Variants in KCNAB1 observed in about 807,000 individuals in gnomAD.
KCNAB1 encodes potassium voltage-gated channel subfamily A regulatory beta subunit 1, also known as voltage-gated potassium channel subunit beta-1.
KCNAB1 carries 35 observed loss-of-function variants against 64.6 expected under a neutral mutation model. The observed-to-expected ratio is 0.54, with a 90% CI of 0.41 to 0.72. The LOEUF (loss-of-function observed/expected upper bound fraction) is 0.72, where lower values mean the gene tolerates loss of function less well. KCNAB1 is among the 30% of genes least tolerant of loss of function. KCNAB1 has a pLI of 0.00. For synonymous variants in KCNAB1, 177 were observed against 183.8 expected, an observed-to-expected ratio of 0.96 and a Z score of 0.30; for missense variants, 401 against 512.9, an observed-to-expected ratio of 0.78 and a Z score of 2.11.
chr3:156,389,807 T>G (rs1427098721), intron 1 of KCNAB1, among the ~76,000 whole-genome samples: 1 of 152,244 alleles, frequency 6.6e-6, no homozygotes, highest in East Asian at 1.9e-4. Flanking sequence ...TACTAGTGGT[T>G]GGCAAACTAT....
chr3:156,463,854 G>A (rs1197909192), intron 6 of KCNAB1, 108 bp downstream of exon 6: 9 of 792,664 alleles, frequency 1.1e-5, no homozygotes, highest in Non-Finnish European at 1.8e-5. Context: ...CTTAGAGAGA[G>A]GGTTTTTTGT....
At chr3:156,231,497 T>TC (rs1254371389) in intron 1 of KCNAB1, among the ~76,000 whole-genome samples, 1 of 12,118 alleles carries the variant, frequency 8.3e-5, no homozygotes, top group Non-Finnish European at 1.8e-4. Context: ...TCCCCTCCCC[T>TC]CCCTCCCTCC....
chr3:156,218,801 A>AAAAAAAAAAAAATAAT (rs371264941), intron 1 of KCNAB1, among the ~76,000 whole-genome samples: 2 of 112,242 alleles, frequency 1.8e-5, no homozygotes, highest in African/African-American at 3.5e-5. Context: ...AAAAAAAAAA[A>AAAAAAAAAAAAATAAT]AATAATAATA....
At chr3:156,490,839 G>A (rs1388995910) in intron 8 of KCNAB1, among the ~76,000 whole-genome samples, 1 of 152,034 alleles carries the variant, frequency 6.6e-6, no homozygotes, top group African/African-American at 2.4e-5. Flanking sequence ...CAGATGGAAA[G>A]TGCCCACTCA....
chr3:156,171,187 G>GCACGCA (rs1553812698), intron 1 of KCNAB1, among the ~76,000 whole-genome samples: 399 of 142,808 alleles, frequency 2.8e-3, no homozygotes, highest in Non-Finnish European at 4.6e-3. Flanking sequence ...GAAACTTCAC[G>GCACGCA]CACACATACA....
chr3:156,240,023 A>G (rs1478618379), intron 1 of KCNAB1, among the ~76,000 whole-genome samples: 4 of 152,178 alleles, frequency 2.6e-5, no homozygotes, highest in Non-Finnish European at 5.9e-5. Context: ...ACACATACAC[A>G]CTAATGAGGT....
intron 1 of KCNAB1, among the ~76,000 whole-genome samples, chr3:156,122,111 G>A (rs189938491): frequency 2.6e-5 from 4 of 152,288 alleles, no homozygotes; most frequent in Middle Eastern, 6.8e-3. Context: ...TTCATGGCCA[G>A]AGTGGTTTGT....
At chr3:156,399,862 A>C (rs1713758493) in intron 1 of KCNAB1, among the ~76,000 whole-genome samples, 1 of 152,232 alleles carries the variant, frequency 6.6e-6, no homozygotes, top group Non-Finnish European at 1.5e-5. Flanking sequence ...CAGAAGCAGT[A>C]TAAAATTACC....
rs183077560 is a variant in KCNAB1, at chr3:156,321,852, G to T, written c.276-99764G>T. On this transcript the variant is annotated intron_variant, in intron 1 of 13. Transcript: ENST00000490337. The stretch of plus-strand genomic sequence containing the variant: ...AGTCAAGATCCTTTAACATACCTTA[G>T]AATTTAAAAGATAGATCTTAAGAGA... Among the ~76,000 whole-genome samples the T allele has an allele frequency of 1.5e-4, 23 of 152,242 alleles. No individual in the cohort carries two copies. In the East Asian group the frequency reaches 4.4e-3, roughly 29 times the overall value.
rs765951655 is a variant in KCNAB1 at position 156,536,772 on chromosome 3, G to A, written c.*25G>A. On this transcript the variant is annotated 3_prime_UTR_variant, in exon 14 of 14. Transcript: ENST00000490337. Reference sequence around the variant, plus strand: ...AGGCAATGCATGAACCACAGAAGCTGCATGGTTAAAATAGCGGCCTGTGCC... The same window carrying A: ...AGGCAATGCATGAACCACAGAAGCTACATGGTTAAAATAGCGGCCTGTGCC... 5.3e-6 allele frequency: 8 copies of A among 1,513,476 alleles called. No homozygotes were observed. In the South Asian group the frequency reaches 7.9e-5, roughly 15 times the overall value. 93.8% of individuals were successfully genotyped at this position (1,513,476 alleles called of 1,614,324 possible).
intron 1 of KCNAB1, among the ~76,000 whole-genome samples, chr3:156,225,544 C>G (rs766482795): frequency 5.9e-5 from 9 of 152,158 alleles, no homozygotes; most frequent in African/African-American, 1.4e-4. Flanking sequence ...CACTTCTACT[C>G]AACATAGTAC....
intron 1 of KCNAB1, among the ~76,000 whole-genome samples, chr3:156,168,145 G>A (rs1711726766): frequency 6.6e-6 from 1 of 152,170 alleles, no homozygotes; most frequent in Admixed American, 6.5e-5. Context: ...AGAGGTTACA[G>A]TGAGCTGAGA....
chr3:156,322,329 C>A (rs1389425596), intron 1 of KCNAB1, among the ~76,000 whole-genome samples: 1 of 152,044 alleles, frequency 6.6e-6, no homozygotes, highest in African/African-American at 2.4e-5. Context: ...GTACAGTCAG[C>A]CCTTTGTAGT....
At chr3:156,390,585 CTCTT>C (rs940875279) in intron 1 of KCNAB1, among the ~76,000 whole-genome samples, 3 of 151,182 alleles carry the variant, frequency 2.0e-5, no homozygotes, top group Non-Finnish European at 2.9e-5. Flanking sequence ...TCCTTCCTCT[CTCTT>C]TCTTTCTTCT....
intron 1 of KCNAB1, among the ~76,000 whole-genome samples, chr3:156,180,279 T>C (rs556523253): frequency 1.3e-5 from 2 of 152,324 alleles, no homozygotes; most frequent in East Asian, 1.9e-4. Context: ...AATGGTTACA[T>C]AGGAAGTAAA....
At chr3:156,272,802 C>A (rs1719113259) in intron 1 of KCNAB1, among the ~76,000 whole-genome samples, 1 of 152,054 alleles carries the variant, frequency 6.6e-6, no homozygotes, top group Non-Finnish European at 1.5e-5. Context: ...GCTGCCACTT[C>A]TGTGAATATG....
intron 1 of KCNAB1, among the ~76,000 whole-genome samples, chr3:156,296,562 C>G (rs761103017): frequency 1.3e-5 from 2 of 151,212 alleles, no homozygotes; most frequent in Non-Finnish European, 2.9e-5. Context: ...CAAGGTCCGC[C>G]TCCTGGGTTC....
intron 1 of KCNAB1, among the ~76,000 whole-genome samples, chr3:156,138,690 TA>T (rs1315490550): frequency 2.0e-5 from 3 of 152,176 alleles, no homozygotes; most frequent in Non-Finnish European, 4.4e-5. Flanking sequence ...ATAGCATGAT[TA>T]GAGCAATTAC....
intron 2 of KCNAB1, among the ~76,000 whole-genome samples, chr3:156,426,284 CT>C (rs1286811169): frequency 1.3e-5 from 2 of 152,148 alleles, no homozygotes; most frequent in African/African-American, 2.4e-5. Context: ...CCCACTTTTT[CT>C]GCATATTATT....
Sources: gnomAD v4.1 joint callset for allele counts (sites outside exome capture counted in the v4.1 genomes callset) on GRCh38, gnomAD v4.1.1 for gene constraint, MANE v1.5 for transcripts, NCBI Gene and HGNC (gene_info 2026-07-23, HGNC 2026-07-21) for gene names.